Variants in PALM2AKAP2 observed in about 807,000 individuals in gnomAD.
The protein encoded by PALM2AKAP2 is PALM2 and AKAP2 fusion.
Under a neutral mutation model 71.5 loss-of-function variants are expected in PALM2AKAP2, and 37 were observed. That is an observed-to-expected ratio of 0.52 (90% CI 0.40 to 0.68). The LOEUF (loss-of-function observed/expected upper bound fraction) is 0.68. Among genes scored for constraint, PALM2AKAP2 ranks in the 30% least tolerant of loss-of-function variants. The pLI is 0.00. For missense variants in PALM2AKAP2, 1,224 were observed against 1,191.8 expected (o/e 1.03, Z -0.40); for synonymous variants, 468 against 478.8 (o/e 0.98, Z 0.29).
chr9:109,999,227 T>A (rs939701288), intron 6 of PALM2AKAP2, among the ~76,000 whole-genome samples: 1 of 151,854 alleles, frequency 6.6e-6, no homozygotes, highest in Non-Finnish European at 1.5e-5. Flanking sequence ...TAATCCCAGC[T>A]ACATGGGAGG....
At chr9:109,648,428 C>G (rs545198147) in intron 1 of PALM2AKAP2, among the ~76,000 whole-genome samples, 200 of 152,238 alleles carry the variant, frequency 1.3e-3, no homozygotes, top group African/African-American at 4.6e-3. Flanking sequence ...ACTGAGAATA[C>G]AGCAGTAAAT....
chr9:109,967,368 A>G (rs1000092389), intron 6 of PALM2AKAP2, among the ~76,000 whole-genome samples: 2 of 151,820 alleles, frequency 1.3e-5, no homozygotes, highest in African/African-American at 4.8e-5. Context: ...GCAAGGCACT[A>G]AGGCCAGCCC....
chr9:110,066,635 G>C (rs1295808896), intron 1 of PALM2AKAP2, among the ~76,000 whole-genome samples: 3 of 151,770 alleles, frequency 2.0e-5, no homozygotes. Context: ...GAGTTCTAAG[G>C]TGGCAGTGAG....
intron 1 of PALM2AKAP2, among the ~76,000 whole-genome samples, chr9:109,816,301 A>AGAC (rs1827850631): frequency 6.6e-6 from 1 of 152,238 alleles, no homozygotes; most frequent in Admixed American, 6.5e-5. Flanking sequence ...GGATATAGGA[A>AGAC]GACAGTGCAG....
intron 1 of PALM2AKAP2, among the ~76,000 whole-genome samples, chr9:110,078,530 C>T (rs1014386217): frequency 6.6e-6 from 1 of 151,934 alleles, no homozygotes; most frequent in Non-Finnish European, 1.5e-5. Flanking sequence ...AAAAGCAGAT[C>T]GGGAAAAGAG....
intron 6 of PALM2AKAP2, chr9:109,943,238 C>T: frequency 6.2e-7 from 1 of 1,614,184 alleles, no homozygotes. Context: ...GATGAGAAGT[C>T]ATTGAGGGAG....
intron 1 of PALM2AKAP2, among the ~76,000 whole-genome samples, chr9:109,795,112 G>C (rs947721038): frequency 2.0e-5 from 3 of 152,104 alleles, no homozygotes; most frequent in African/African-American, 7.2e-5. Context: ...GCTGTCTGTG[G>C]GGCCGATCTT....
chr9:109,730,346 CA>C (rs1221974687), intron 1 of PALM2AKAP2, among the ~76,000 whole-genome samples: 1 of 152,122 alleles, frequency 6.6e-6, no homozygotes, highest in Admixed American at 6.5e-5. Context: ...GGACTTTCGC[CA>C]AAACATAAGC....
chr9:109,878,283 A>G (rs1217594666), intron 2 of PALM2AKAP2, among the ~76,000 whole-genome samples: 2 of 152,242 alleles, frequency 1.3e-5, no homozygotes, highest in African/African-American at 4.8e-5. Flanking sequence ...CTATTTATAC[A>G]GAGCACATTC....
chr9:109,650,083 C>T (rs1039001828), intron 1 of PALM2AKAP2, among the ~76,000 whole-genome samples: 2 of 152,148 alleles, frequency 1.3e-5, no homozygotes, highest in South Asian at 2.1e-4. Flanking sequence ...TTTCAGTTTT[C>T]GGGTTTTGCA....
chr9:109,956,719 AG>A (rs904269216), intron 6 of PALM2AKAP2, among the ~76,000 whole-genome samples: 1 of 152,202 alleles, frequency 6.6e-6, no homozygotes, highest in African/African-American at 2.4e-5. Flanking sequence ...TCCTGTTAAA[AG>A]AAGGAAATAG....
rs534051172 is a variant in PALM2AKAP2 at position 110,137,622 on chromosome 9, T to C, written c.1652T>C (p.Val551Ala). The C allele has an allele frequency of 3.1e-6, 5 of 1,614,100 alleles. No individual in the cohort carries two copies. In the East Asian group the frequency reaches 8.9e-5, roughly 29 times the overall value. ...ATTTTGGATCAGTTCTCAAGATCTG[T>C]CAATGTCTCCTTGACCCAAGAGGAG... The change falls in exon 2 of 4, where the codon GTC becomes GCC. Residue 551 changes from valine to alanine, a missense_variant. Coordinates refer to ENST00000374525, the Ensembl canonical transcript of PALM2AKAP2.
chr9:109,836,280 G>A (rs546354631), intron 1 of PALM2AKAP2, among the ~76,000 whole-genome samples: 6 of 152,344 alleles, frequency 3.9e-5, no homozygotes, highest in Non-Finnish European at 7.3e-5. Context: ...GTCTGGAATG[G>A]ACCTCCAGCA....
At chr9:110,000,949 C>T (rs1421765447) in intron 6 of PALM2AKAP2, among the ~76,000 whole-genome samples, 1 of 152,162 alleles carries the variant, frequency 6.6e-6, no homozygotes, top group Non-Finnish European at 1.5e-5. Flanking sequence ...AAAATTTTCT[C>T]CCATTCTATA....
rs74899489 is a variant in PALM2AKAP2 at position 110,125,076 on chromosome 9, A to G, written c.157-11051A>G. Among the ~76,000 whole-genome samples the G allele has an allele frequency of 7.6e-4, 116 of 152,316 alleles. No individual in the cohort carries two copies. In the East Asian group the frequency reaches 0.021, roughly 27 times the overall value. ...CACACAGACACACGCACACATGCAC[A>G]TACCACATGCATGTACACACGCACA... On this transcript the variant is annotated intron_variant, in intron 1 of 3. Coordinates refer to ENST00000374525, the Ensembl canonical transcript of PALM2AKAP2.
At chr9:109,972,645 C>T (rs1321708438) in intron 6 of PALM2AKAP2, among the ~76,000 whole-genome samples, 1 of 152,192 alleles carries the variant, frequency 6.6e-6, no homozygotes, top group Non-Finnish European at 1.5e-5. Flanking sequence ...CCACTAGGGG[C>T]ATAATGAAGA....
At chr9:110,152,361 T>A (rs1836339476) in intron 2 of PALM2AKAP2, among the ~76,000 whole-genome samples, 1 of 152,162 alleles carries the variant, frequency 6.6e-6, no homozygotes, top group Admixed American at 6.5e-5. Flanking sequence ...TACAGGTGAA[T>A]AAACCAATAG....
chr9:109,682,580 G>C (rs1827752643), intron 1 of PALM2AKAP2, among the ~76,000 whole-genome samples: 1 of 152,176 alleles, frequency 6.6e-6, no homozygotes, highest in Middle Eastern at 3.2e-3. Context: ...CTTACTACTA[G>C]ACCTGGGATG....
At chr9:109,997,587 CAGGAG>C (rs1399250728) in intron 6 of PALM2AKAP2, among the ~76,000 whole-genome samples, 1 of 152,232 alleles carries the variant, frequency 6.6e-6, no homozygotes, top group Non-Finnish European at 1.5e-5. Context: ...GTTGGGGTTG[CAGGAG>C]AGGTTTCCAA....
Sources: allele counts gnomAD v4.1 joint callset (sites outside exome capture counted in the v4.1 genomes callset), GRCh38; gene constraint gnomAD v4.1.1; transcripts MANE v1.5; gene names NCBI Gene and HGNC (gene_info 2026-07-23, HGNC 2026-07-21).